The following TMIGD3 variants were observed in gnomAD, a reference collection of about 807,000 sequenced individuals.
The protein encoded by TMIGD3 is transmembrane and immunoglobulin domain containing 3, also known as AD026 protein (AD026).
In TMIGD3, 21 loss-of-function variants were observed where a neutral mutation model predicts 28.1. The observed-to-expected ratio is 0.75, with a 90% CI of 0.53 to 1.08. The LOEUF (loss-of-function observed/expected upper bound fraction) is 1.08. TMIGD3 is among the 50% of genes least tolerant of loss of function. The probability of loss-of-function intolerance (pLI) is 0.00; values close to 1 mark genes in which losing one functional copy is unlikely to be tolerated. For missense variants in TMIGD3, 416 were observed against 435.6 expected, an observed-to-expected ratio of 0.96 and a Z score of 0.40; for synonymous variants, 151 against 162.1, an observed-to-expected ratio of 0.93 and a Z score of 0.52.
chr1:111,542,216 A>G (rs1297104500), intron 1 of TMIGD3: 8 of 578,926 alleles, frequency 1.4e-5, no homozygotes, highest in Non-Finnish European at 2.3e-5. Context: ...AATGAAACAG[A>G]CATCCTTCGC....
chr1:111,494,802 T>C (rs921939442), intron 1 of TMIGD3, among the ~76,000 whole-genome samples: 4 of 152,108 alleles, frequency 2.6e-5, no homozygotes, highest in African/African-American at 7.2e-5. Context: ...AACAGACACA[T>C]AGACCAATGG....
chr1:111,545,670 T>C (rs1314766608), intron 1 of TMIGD3, among the ~76,000 whole-genome samples: 1 of 152,154 alleles, frequency 6.6e-6, no homozygotes, highest in African/African-American at 2.4e-5. Context: ...CTTGTGCTTT[T>C]TGTGTCATAT....
At chr1:111,509,070 G>A (rs1191186691) in intron 1 of TMIGD3, among the ~76,000 whole-genome samples, 1 of 152,230 alleles carries the variant, frequency 6.6e-6, no homozygotes, top group Non-Finnish European at 1.5e-5. Flanking sequence ...ACTCCAGCCT[G>A]GGCGACAGAG....
intron 1 of TMIGD3, among the ~76,000 whole-genome samples, chr1:111,534,208 G>T (rs1010971671): frequency 6.6e-6 from 1 of 152,028 alleles, no homozygotes; most frequent in African/African-American, 2.4e-5. Flanking sequence ...ACATATCATG[G>T]GTATCTTTCA....
Position 111,500,572 on chromosome 1 carries a change from G to A in TMIGD3, c.350+2433C>T, listed in dbSNP as rs1655124033. ...CCTCTTGTATCTGTGTGAATGAAGA[G>A]AGTCAGTGAGTCCACAGCAGTAATT... On this transcript the variant is annotated intron_variant, in intron 1 of 5. Coordinates refer to ENST00000369716, the MANE Select transcript of TMIGD3 (RefSeq NM_020683.7). 4.3e-6 allele frequency: 7 copies of A among 1,610,886 alleles called. No individual in the cohort carries two copies. In the Admixed American group the frequency reaches 1.2e-4, roughly 27 times the overall value.
chr1:111,527,985 G>A (rs981413204), intron 1 of TMIGD3, among the ~76,000 whole-genome samples: 1 of 151,704 alleles, frequency 6.6e-6, no homozygotes, highest in Non-Finnish European at 1.5e-5. Flanking sequence ...TTGTTTTTTT[G>A]AAAAGTAGTT....
intron 2 of TMIGD3, 31 bp from the exon 3 acceptor site, chr1:111,489,055 GCA>G (rs370614406): frequency 1.7e-4 from 254 of 1,501,404 alleles, no homozygotes; most frequent in Non-Finnish European, 2.0e-4. Context: ...ACGCACACGT[GCA>G]CACACACACA....
At chr1:111,549,979 T>C (rs1194481038) in intron 1 of TMIGD3, among the ~76,000 whole-genome samples, 2 of 152,138 alleles carry the variant, frequency 1.3e-5, no homozygotes, top group Non-Finnish European at 2.9e-5. Context: ...GTTGGAAGTT[T>C]TTTGATTACT....
chr1:111,563,951 A>G (rs1372127324), exon 1 of TMIGD3: 4 of 1,612,820 alleles, frequency 2.5e-6, no homozygotes, highest in Non-Finnish European at 3.4e-6. Flanking sequence ...AGACCCTTCC[A>G]TTGGTCCAAC....
Position 111,483,600 on chromosome 1 carries a change from G to C in TMIGD3, c.*87C>G. ...GTCCTTCAGAATTCCTGGGAGATCA[G>C]AATCAGTCTCTGAGGTGTGGGCCAG... On this transcript the variant is annotated 3_prime_UTR_variant, in exon 6 of 6. Transcript: ENST00000369716. 9.0e-7 allele frequency: 1 copy of C among 1,108,304 alleles called. No individual in the cohort carries two copies. The highest frequency in any genetic ancestry group is 1.4e-6 in the Non-Finnish European group (1 of 736,436). 68.7% of individuals were successfully genotyped at this position (1,108,304 alleles called of 1,614,324 possible).
At position 111,499,041 on chromosome 1, in the gene TMIGD3, C is replaced by T. The variant is rs1025445948; in HGVS notation, c.350+3964G>A. Reference sequence around the variant, plus strand: ...GGGATGTTGAGGCTGCAATGATCTGCGATCGAGCCACTACACTCCAGCCTA... The same window carrying T: ...GGGATGTTGAGGCTGCAATGATCTGTGATCGAGCCACTACACTCCAGCCTA... On this transcript the variant is annotated intron_variant, in intron 1 of 5. Coordinates refer to ENST00000369716, the MANE Select transcript of TMIGD3 (RefSeq NM_020683.7). Among the ~76,000 whole-genome samples, 4 of 147,920 alleles carry T rather than the reference C, an allele frequency of 2.7e-5. 1 individual carries two copies. The highest frequency in any genetic ancestry group is 1.0e-4 in the African/African-American group (4 of 40,148).
chr1:111,561,585 G>A (rs975118878), intron 1 of TMIGD3, among the ~76,000 whole-genome samples: 1 of 152,162 alleles, frequency 6.6e-6, no homozygotes, highest in Admixed American at 6.5e-5. Context: ...AGGCCACATG[G>A]TCAGGTCAAA....
In TMIGD3 at chr1:111,521,311, G is replaced by T. The variant is rs143435219; in HGVS notation, c.108-30549C>A. Among the ~76,000 whole-genome samples, 605 of 152,222 alleles carry T rather than the reference G, an allele frequency of 4.0e-3. 5 individuals carry two copies. The highest frequency in any genetic ancestry group is 0.011 in the African/African-American group (451 of 41,506). ...TAAATACCTCGTTATGGGATGACTG[G>T]ATCATACAGTGGATGCATTTCACTA... On this transcript the variant is annotated intron_variant, in intron 1 of 5. Transcript: ENST00000369717.
At chr1:111,547,704 A>G (rs542687564) in intron 1 of TMIGD3, among the ~76,000 whole-genome samples, 52 of 152,318 alleles carry the variant, frequency 3.4e-4, no homozygotes, top group African/African-American at 1.2e-3. Flanking sequence ...GAAGGAGCCA[A>G]ATCAGGACTG....
At chr1:111,559,378 G>T (rs1039630294) in intron 1 of TMIGD3, among the ~76,000 whole-genome samples, 1 of 152,110 alleles carries the variant, frequency 6.6e-6, no homozygotes, top group Non-Finnish European at 1.5e-5. Flanking sequence ...TTACGATTCA[G>T]CAGTGACCTA....
At chr1:111,485,598 C>G in intron 5 of TMIGD3, 142 bp downstream of exon 5, 1 of 633,818 alleles carries the variant, frequency 1.6e-6, no homozygotes, top group South Asian at 2.1e-5. Flanking sequence ...GATATCTACC[C>G]CAGCCCATGG....
intron 1 of TMIGD3, among the ~76,000 whole-genome samples, chr1:111,522,234 A>G (rs1656089792): frequency 6.6e-6 from 1 of 152,160 alleles, no homozygotes; most frequent in Non-Finnish European, 1.5e-5. Context: ...TGTTTTGGCT[A>G]TTCTAGGTCT....
At chr1:111,500,426 C>T in intron 1 of TMIGD3, 2 of 1,614,218 alleles carry the variant, frequency 1.2e-6, no homozygotes, top group African/African-American at 1.3e-5. Context: ...AGGAAGGTGA[C>T]ATTTCTGTGG....
intron 1 of TMIGD3, among the ~76,000 whole-genome samples, chr1:111,495,493 G>A (rs1188043655): frequency 1.3e-5 from 2 of 152,188 alleles, no homozygotes; most frequent in South Asian, 4.1e-4. Flanking sequence ...AGAGAAAAGA[G>A]AACACTTATA....
Sources: allele counts gnomAD v4.1 joint callset (sites outside exome capture counted in the v4.1 genomes callset), GRCh38; gene constraint gnomAD v4.1.1; transcripts MANE v1.5; gene names NCBI Gene and HGNC (gene_info 2026-07-23, HGNC 2026-07-21).